Variants in CTDSPL2 observed in about 807,000 individuals in gnomAD.
CTDSPL2 encodes CTD small phosphatase like 2.
A neutral mutation model predicts 60.0 loss-of-function variants in CTDSPL2; 5 were observed. The observed-to-expected ratio is 0.08, with a 90% CI of 0.04 to 0.18. CTDSPL2 has a LOEUF of 0.18. Ranked by LOEUF, CTDSPL2 falls within the 10% of genes least tolerant of loss-of-function variation. CTDSPL2 has a pLI of 1.00. For missense variants in CTDSPL2, 370 were observed against 548.8 expected (o/e 0.67, Z 3.26); for synonymous variants, 186 against 189.3 (o/e 0.98, Z 0.14).
chr15:44,488,977 A>G (rs559546855), intron 4 of CTDSPL2, among the ~76,000 whole-genome samples: 2 of 152,278 alleles, frequency 1.3e-5, no homozygotes, highest in South Asian at 4.1e-4. Context: ...TTTTCTTGGA[A>G]GGAAGAGATG....
At chr15:44,438,370 G>A (rs1294329477) in intron 1 of CTDSPL2, among the ~76,000 whole-genome samples, 1 of 152,200 alleles carries the variant, frequency 6.6e-6, no homozygotes, top group East Asian at 1.9e-4. Context: ...TATTTTGAAG[G>A]CAGTTGATGG....
intron 1 of CTDSPL2, among the ~76,000 whole-genome samples, chr15:44,433,936 GA>G (rs1298349944): frequency 1.4e-5 from 2 of 144,162 alleles, no homozygotes; most frequent in Admixed American, 1.4e-4. Flanking sequence ...CTGGGCAACA[GA>G]GCAAGACTCT....
chr15:44,440,202 T>G (rs190251236), intron 1 of CTDSPL2, among the ~76,000 whole-genome samples: 12 of 151,054 alleles, frequency 7.9e-5, no homozygotes, highest in African/African-American at 1.7e-4. Flanking sequence ...TTTTTGTGTT[T>G]TTTTTTTTTT....
intron 2 of CTDSPL2, among the ~76,000 whole-genome samples, chr15:44,470,736 C>CCACGCCTGGCCTACTCA (rs2080790342): frequency 6.6e-6 from 1 of 152,142 alleles, no homozygotes; most frequent in Non-Finnish European, 1.5e-5. Context: ...GTGTGAGCCA[C>CCACGCCTGGCCTACTCA]CACGCCTGGC....
chr15:44,501,828 C>G, intron 8 of CTDSPL2: 2 of 338,720 alleles, frequency 5.9e-6, no homozygotes, highest in South Asian at 5.1e-5. Flanking sequence ...GGTACATTCC[C>G]TTGGATTTCT....
intron 4 of CTDSPL2, among the ~76,000 whole-genome samples, chr15:44,488,369 C>CA (rs1354778190): frequency 6.6e-6 from 1 of 152,038 alleles, no homozygotes; most frequent in African/African-American, 2.4e-5. Context: ...AGAAAATAGA[C>CA]ACATTTTTGG....
At chr15:44,429,822 A>G (rs2079821359) in intron 1 of CTDSPL2, among the ~76,000 whole-genome samples, 1 of 152,142 alleles carries the variant, frequency 6.6e-6, no homozygotes. Context: ...GCTGAAGACC[A>G]CCCCACTGTA....
At chr15:44,440,268 T>C (rs1404708208) in intron 1 of CTDSPL2, among the ~76,000 whole-genome samples, 1 of 151,464 alleles carries the variant, frequency 6.6e-6, no homozygotes, top group Non-Finnish European at 1.5e-5. Context: ...TGATCTCTGC[T>C]CACTACAACC....
chr15:44,437,135 A>G (rs2079995286), intron 1 of CTDSPL2, among the ~76,000 whole-genome samples: 1 of 152,166 alleles, frequency 6.6e-6, no homozygotes, highest in Non-Finnish European at 1.5e-5. Context: ...TTGTGACATT[A>G]TGTATGTTGG....
At chr15:44,454,718 T>C (rs931616317) in intron 1 of CTDSPL2, among the ~76,000 whole-genome samples, 2 of 152,218 alleles carry the variant, frequency 1.3e-5, no homozygotes, top group Non-Finnish European at 2.9e-5. Flanking sequence ...GTCAGATTTC[T>C]CAAAGATCAG....
rs192537796 is a variant in CTDSPL2 at position 44,438,030 on chromosome 15, C to T, written c.-25+10258C>T. On this transcript the variant is annotated intron_variant, in intron 1 of 12. Transcript: ENST00000260327. ...CTGTAATCCCAGCACTTTGGGAGGC[C>T]GAGGCAGGTGGATCACGAGGTCAGG... Among the ~76,000 whole-genome samples the T allele has an allele frequency of 6.5e-4, 99 of 152,036 alleles. 1 individual carries two copies. The highest frequency in any genetic ancestry group is 1.2e-3 in the East Asian group (6 of 5,150).
At chr15:44,467,821 C>T (rs1370309646) in intron 2 of CTDSPL2, among the ~76,000 whole-genome samples, 3 of 152,258 alleles carry the variant, frequency 2.0e-5, no homozygotes, top group East Asian at 1.9e-4. Flanking sequence ...GTGATCTACT[C>T]GCCTCGGCCT....
At chr15:44,472,413 G>T (rs2080829440) in intron 2 of CTDSPL2, among the ~76,000 whole-genome samples, 1 of 152,082 alleles carries the variant, frequency 6.6e-6, no homozygotes, top group South Asian at 2.1e-4. Flanking sequence ...TCGTAGTTTT[G>T]ATTTGCATTT....
intron 12 of CTDSPL2, among the ~76,000 whole-genome samples, chr15:44,522,981 C>T (rs2081808570): frequency 6.6e-6 from 1 of 151,958 alleles, no homozygotes; most frequent in Non-Finnish European, 1.5e-5. Context: ...TGGTGCACAC[C>T]TATTTAATCC....
intron 1 of CTDSPL2, among the ~76,000 whole-genome samples, chr15:44,455,069 T>C (rs542990031): frequency 7.2e-5 from 11 of 152,314 alleles, no homozygotes; most frequent in Non-Finnish European, 1.0e-4. Context: ...GCATGGAGTG[T>C]TCTTCCATTT....
intron 8 of CTDSPL2, among the ~76,000 whole-genome samples, chr15:44,505,811 G>A (rs963206370): frequency 9.2e-5 from 14 of 151,760 alleles, no homozygotes; most frequent in Admixed American, 6.5e-5. Flanking sequence ...AATTTAGAAG[G>A]TGTGACAGTT....
chr15:44,432,997 G>A (rs1447438324), intron 1 of CTDSPL2, among the ~76,000 whole-genome samples: 1 of 151,894 alleles, frequency 6.6e-6, no homozygotes, highest in Non-Finnish European at 1.5e-5. Flanking sequence ...TTCTAGCATG[G>A]AAATGTGTTT....
At chr15:44,437,229 A>C (rs899700983) in intron 1 of CTDSPL2, among the ~76,000 whole-genome samples, 2 of 152,144 alleles carry the variant, frequency 1.3e-5, no homozygotes, top group Non-Finnish European at 2.9e-5. Flanking sequence ...CTCAAGCTGT[A>C]TACCACTTCT....
At chr15:44,481,485 A>G (rs1430351704) in intron 2 of CTDSPL2, among the ~76,000 whole-genome samples, 1 of 152,224 alleles carries the variant, frequency 6.6e-6, no homozygotes, top group Non-Finnish European at 1.5e-5. Flanking sequence ...AAACTGAATA[A>G]TTAGAGTTGA....
Sources: allele counts gnomAD v4.1 joint callset (sites outside exome capture counted in the v4.1 genomes callset), GRCh38; gene constraint gnomAD v4.1.1; transcripts MANE v1.5; gene names NCBI Gene and HGNC (gene_info 2026-07-23, HGNC 2026-07-21).